Variants in TRAF3 observed in about 807,000 individuals in gnomAD.
TRAF3 encodes the protein TNF receptor associated factor 3, also known as TNF receptor-associated factor 3.
TRAF3 carries 13 observed loss-of-function variants against 62.3 expected under a neutral mutation model. That is an observed-to-expected ratio of 0.21 (90% CI 0.14 to 0.33). The LOEUF is 0.33. Ranked by LOEUF, TRAF3 falls within the 10% of genes least tolerant of loss-of-function variation. TRAF3 has a pLI of 1.00. For missense variants in TRAF3, 440 were observed against 741.8 expected (o/e 0.59, Z 4.73); for synonymous variants, 269 against 283.4 (o/e 0.95, Z 0.51).
At chr14:102,854,406 G>C (rs1025828657) in intron 2 of TRAF3, among the ~76,000 whole-genome samples, 1 of 152,202 alleles carries the variant, frequency 6.6e-6, no homozygotes, top group Non-Finnish European at 1.5e-5. Context: ...TCAACAATAT[G>C]TGAAGATTCC....
At chr14:102,887,756 G>A (rs966891080) in intron 7 of TRAF3, among the ~76,000 whole-genome samples, 2 of 151,962 alleles carry the variant, frequency 1.3e-5, no homozygotes, top group Non-Finnish European at 2.9e-5. Flanking sequence ...CACCACGCCC[G>A]GCTAATTTCT....
At chr14:102,858,022 C>A (rs1887471708) in intron 2 of TRAF3, among the ~76,000 whole-genome samples, 1 of 152,142 alleles carries the variant, frequency 6.6e-6, no homozygotes, top group Non-Finnish European at 1.5e-5. Flanking sequence ...AAATGATCAG[C>A]AACGTTTTAA....
rs573062658 is a variant in TRAF3, at chr14:102,806,195, C to T, written c.-156-24139C>T. 3.3e-5 allele frequency among the ~76,000 whole-genome samples: 5 copies of T among 152,256 alleles called. No homozygotes were observed. In the East Asian group the frequency reaches 7.7e-4, roughly 24 times the overall value. ...GTTTTCGGGTTCAAAATGTTAGTTG[C>T]GCCAAGGTTGAGAAACCGTGGCTTG... On this transcript the variant is annotated intron_variant, in intron 1 of 11. Transcript: ENST00000392745.
At chr14:102,890,030 A>C (rs887085760) in intron 8 of TRAF3, among the ~76,000 whole-genome samples, 1 of 152,292 alleles carries the variant, frequency 6.6e-6, no homozygotes, top group Non-Finnish European at 1.5e-5. Flanking sequence ...GTACACAGCC[A>C]TAACGATCAC....
intron 2 of TRAF3, among the ~76,000 whole-genome samples, chr14:102,841,499 T>G (rs966980173): frequency 6.6e-6 from 1 of 152,172 alleles, no homozygotes; most frequent in African/African-American, 2.4e-5. Context: ...CAGAGCAGCT[T>G]TTTCATCTAT....
At chr14:102,820,864 G>C (rs1306886976) in intron 1 of TRAF3, among the ~76,000 whole-genome samples, 1 of 151,250 alleles carries the variant, frequency 6.6e-6, no homozygotes, top group Non-Finnish European at 1.5e-5. Flanking sequence ...GAACTCCTGG[G>C]TTCAAGCAGA....
At chr14:102,816,782 G>A (rs1297086675) in intron 1 of TRAF3, among the ~76,000 whole-genome samples, 1 of 152,188 alleles carries the variant, frequency 6.6e-6, no homozygotes, top group African/African-American at 2.4e-5. Context: ...TGTGATGACT[G>A]ACACTGTGGA....
intron 2 of TRAF3, among the ~76,000 whole-genome samples, chr14:102,834,830 C>G (rs1885891858): frequency 6.6e-6 from 1 of 151,938 alleles, no homozygotes; most frequent in South Asian, 2.1e-4. Context: ...ATTCTGGACA[C>G]AGGAACTGAC....
At chr14:102,891,899 C>T (rs1035530807) in intron 9 of TRAF3, among the ~76,000 whole-genome samples, 4 of 151,960 alleles carry the variant, frequency 2.6e-5, no homozygotes, top group Admixed American at 6.6e-5. Context: ...CCTCTAAATG[C>T]GTTAAACTTC....
chr14:102,788,519 G>T (rs762380896), intron 1 of TRAF3, among the ~76,000 whole-genome samples: 1 of 152,108 alleles, frequency 6.6e-6, no homozygotes, highest in Non-Finnish European at 1.5e-5. Flanking sequence ...AATTAGCTTG[G>T]TTGGGTGTGG....
chr14:102,830,643 C>T (rs1900621894), intron 2 of TRAF3, among the ~76,000 whole-genome samples, 171 bp downstream of exon 2: 1 of 152,172 alleles, frequency 6.6e-6, no homozygotes, highest in Admixed American at 6.5e-5. Context: ...GCTGGAGTCA[C>T]CCATAGGAGG....
chr14:102,831,848 A>G (rs1900712616), intron 2 of TRAF3, among the ~76,000 whole-genome samples: 1 of 152,168 alleles, frequency 6.6e-6, no homozygotes, highest in Admixed American at 6.5e-5. Flanking sequence ...TTGCAGCTTC[A>G]TATCTTGTAA....
At chr14:102,821,619 G>A (rs2139582349) in intron 1 of TRAF3, among the ~76,000 whole-genome samples, 1 of 152,324 alleles carries the variant, frequency 6.6e-6, no homozygotes, top group Admixed American at 6.5e-5. Flanking sequence ...TGCTTCAGAT[G>A]TATTATGTTT....
intron 1 of TRAF3, among the ~76,000 whole-genome samples, chr14:102,828,571 G>A (rs1900466014): frequency 6.6e-6 from 1 of 152,182 alleles, no homozygotes; most frequent in South Asian, 2.1e-4. Context: ...TTTCATCTCT[G>A]TGTTCAGATG....
chr14:102,881,794 T>TTA (rs1281297838), intron 6 of TRAF3, among the ~76,000 whole-genome samples: 3 of 152,182 alleles, frequency 2.0e-5, no homozygotes, highest in Non-Finnish European at 2.9e-5. Context: ...CCAAAATCAG[T>TTA]TACCTTTATT....
At chr14:102,829,271 G>A (rs1380753421) in intron 1 of TRAF3, among the ~76,000 whole-genome samples, 1 of 152,194 alleles carries the variant, frequency 6.6e-6, no homozygotes, top group Non-Finnish European at 1.5e-5. Flanking sequence ...TCTGGCATTG[G>A]AAGTGAGCTT....
intron 1 of TRAF3, among the ~76,000 whole-genome samples, chr14:102,807,769 C>T (rs1898861840): frequency 6.6e-6 from 1 of 152,200 alleles, no homozygotes; most frequent in African/African-American, 2.4e-5. Context: ...TCTCTTATCC[C>T]TACAGCTGGC....
At chr14:102,819,262 C>G (rs566488559) in intron 1 of TRAF3, among the ~76,000 whole-genome samples, 2 of 152,126 alleles carry the variant, frequency 1.3e-5, no homozygotes, top group African/African-American at 2.4e-5. Flanking sequence ...TGTTACTCCT[C>G]AGGGGCTTCC....
intron 2 of TRAF3, among the ~76,000 whole-genome samples, chr14:102,853,982 T>C (rs1247963761): frequency 6.6e-6 from 1 of 152,222 alleles, no homozygotes; most frequent in East Asian, 1.9e-4. Context: ...ACTAATCTAC[T>C]TTCTGTATCT....
Sources: gnomAD v4.1 joint callset for allele counts (sites outside exome capture counted in the v4.1 genomes callset) on GRCh38, gnomAD v4.1.1 for gene constraint, MANE v1.5 for transcripts, NCBI Gene and HGNC (gene_info 2026-07-23, HGNC 2026-07-21) for gene names.